The following GABRB1 variants were observed in gnomAD, a reference collection of about 807,000 sequenced individuals.
GABRB1 encodes gamma-aminobutyric acid type A receptor subunit beta1.
Under a neutral mutation model 51.6 loss-of-function variants are expected in GABRB1, and 17 were observed. The ratio of observed to expected loss-of-function variants is 0.33; its 90% CI spans 0.23 to 0.49. The LOEUF (loss-of-function observed/expected upper bound fraction) is 0.49. Ranked by LOEUF, GABRB1 falls within the 20% of genes least tolerant of loss-of-function variation. GABRB1 has a pLI of 0.99. For missense variants in GABRB1, 410 were observed against 600.6 expected, an observed-to-expected ratio of 0.68 and a Z score of 3.32; for synonymous variants, 247 against 218.9, an observed-to-expected ratio of 1.13 and a Z score of -1.14.
At chr4:47,055,067 A>G (rs1042899543) in intron 3 of GABRB1, among the ~76,000 whole-genome samples, 2 of 152,204 alleles carry the variant, frequency 1.3e-5, no homozygotes, top group Admixed American at 6.5e-5. Context: ...AGTTGGAGGT[A>G]GGGTAAGTAA....
Position 47,125,388 on chromosome 4 carries a change from A to G in GABRB1, c.241-35861A>G, listed in dbSNP as rs534559979. Among the ~76,000 whole-genome samples, 31 of 152,126 alleles carry G rather than the reference A, an allele frequency of 2.0e-4. No individual in the cohort carries two copies. The South Asian group carries it at 6.2e-3, about 31-fold the overall frequency. ...TTAATTGGTAACATGAAAACATACG[A>G]AAATATAAAACTCATTGATACAGGT... On this transcript the variant is annotated intron_variant, in intron 3 of 8. Transcript: ENST00000295454.
At chr4:47,155,523 G>A (rs1277011179) in intron 3 of GABRB1, among the ~76,000 whole-genome samples, 1 of 151,894 alleles carries the variant, frequency 6.6e-6, no homozygotes, top group African/African-American at 2.4e-5. Flanking sequence ...ATTACTAGAT[G>A]TTAAAGAAAT....
rs149246536 is a variant in GABRB1 at position 47,203,857 on chromosome 4, A to G, written c.461+42388A>G. ...TGTTCACAGCCCTACTCTTGGAACA[A>G]CTCCCATGCTGCTCTGAGCCTTTTC... is the stretch of plus-strand genomic sequence containing the variant. On this transcript the variant is annotated intron_variant, in intron 4 of 8. Transcript: ENST00000295454. Among the ~76,000 whole-genome samples the G allele has an allele frequency of 7.1e-3, 1,075 of 151,864 alleles. 10 individuals are homozygous for G. The highest frequency in any genetic ancestry group is 0.024 in the African/African-American group (1,006 of 41,416).
At chr4:47,160,929 A>C (rs752879289) in intron 3 of GABRB1, among the ~76,000 whole-genome samples, 1 of 151,830 alleles carries the variant, frequency 6.6e-6, no homozygotes, top group African/African-American at 2.4e-5. Context: ...TGGTATTATA[A>C]GCATGTACCA....
intron 5 of GABRB1, among the ~76,000 whole-genome samples, chr4:47,355,161 T>C (rs1228667024): frequency 6.6e-6 from 1 of 151,762 alleles, no homozygotes; most frequent in Non-Finnish European, 1.5e-5. Flanking sequence ...TTGTATTTTT[T>C]AGTAGAGATG....
chr4:47,362,523 G>A (rs1726845350), intron 5 of GABRB1, among the ~76,000 whole-genome samples: 1 of 152,112 alleles, frequency 6.6e-6, no homozygotes. Context: ...GGTTTGAGTA[G>A]TTTGTAATCC....
At chr4:47,202,504 T>C (rs918341358) in intron 4 of GABRB1, among the ~76,000 whole-genome samples, 9 of 152,224 alleles carry the variant, frequency 5.9e-5, no homozygotes, top group Admixed American at 5.9e-4. Flanking sequence ...TAGGAAACTA[T>C]AAGTTTTGAG....
chr4:47,266,647 A>G (rs1386958723), intron 4 of GABRB1, among the ~76,000 whole-genome samples: 1 of 152,210 alleles, frequency 6.6e-6, no homozygotes, highest in Non-Finnish European at 1.5e-5. Flanking sequence ...AAGATATTCA[A>G]TATGATTTCA....
intron 3 of GABRB1, among the ~76,000 whole-genome samples, chr4:47,085,105 C>T (rs1577893796): frequency 6.6e-6 from 1 of 152,166 alleles, no homozygotes; most frequent in Non-Finnish European, 1.5e-5. Context: ...GAGTAAAACA[C>T]TTAACTCACC....
intron 3 of GABRB1, among the ~76,000 whole-genome samples, chr4:47,125,637 G>A (rs1400071626): frequency 1.6e-5 from 2 of 125,106 alleles, no homozygotes; most frequent in Non-Finnish European, 3.2e-5. Flanking sequence ...CTCACTGCAA[G>A]CTCCGCCTCC....
intron 3 of GABRB1, among the ~76,000 whole-genome samples, chr4:47,057,639 C>A (rs1726671072): frequency 6.6e-6 from 1 of 152,208 alleles, no homozygotes; most frequent in African/African-American, 2.4e-5. Context: ...CCTACTCCCA[C>A]CCTGGCTAAC....
intron 1 of GABRB1, among the ~76,000 whole-genome samples, chr4:46,998,950 G>C (rs1724092404): frequency 6.6e-6 from 1 of 152,052 alleles, no homozygotes; most frequent in African/African-American, 2.4e-5. Context: ...GATGGTGTGT[G>C]TGATCGTGTG....
intron 3 of GABRB1, among the ~76,000 whole-genome samples, chr4:47,127,705 C>T (rs1716220786): frequency 6.6e-6 from 1 of 151,838 alleles, no homozygotes; most frequent in South Asian, 2.1e-4. Flanking sequence ...ACATCATCTT[C>T]ACCTCTTACA....
chr4:47,296,192 T>C (rs1723986352), intron 4 of GABRB1, among the ~76,000 whole-genome samples: 1 of 152,110 alleles, frequency 6.6e-6, no homozygotes. Flanking sequence ...AGGAAGAAAC[T>C]GCATAAACTA....
chr4:47,147,692 T>A (rs1209559030), intron 3 of GABRB1, among the ~76,000 whole-genome samples: 1 of 151,996 alleles, frequency 6.6e-6, no homozygotes, highest in African/African-American at 2.4e-5. Context: ...CCATTTCCAA[T>A]CTAAGGCCTG....
At chr4:46,996,638 C>T (rs1724007175) in intron 1 of GABRB1, among the ~76,000 whole-genome samples, 1 of 152,114 alleles carries the variant, frequency 6.6e-6, no homozygotes, top group East Asian at 1.9e-4. Context: ...TTTGACCAAA[C>T]AGGCGAATGA....
intron 5 of GABRB1, among the ~76,000 whole-genome samples, chr4:47,325,236 A>T (rs979168577): frequency 1.3e-5 from 2 of 152,148 alleles, no homozygotes; most frequent in African/African-American, 4.8e-5. Context: ...GGAGTTCAAG[A>T]CCAGCCTGGC....
intron 5 of GABRB1, among the ~76,000 whole-genome samples, chr4:47,395,076 C>T (rs1372187025): frequency 6.6e-6 from 1 of 152,168 alleles, no homozygotes; most frequent in African/African-American, 2.4e-5. Context: ...AGGTTCAGTG[C>T]ACCCAGGCTA....
chr4:47,302,023 T>A (rs1204844533), intron 4 of GABRB1, among the ~76,000 whole-genome samples: 1 of 152,166 alleles, frequency 6.6e-6, no homozygotes, highest in Admixed American at 6.5e-5. Context: ...AAGCCCTTTC[T>A]AAGTTACAAA....
Sources: gnomAD v4.1 joint callset for allele counts (sites outside exome capture counted in the v4.1 genomes callset) on GRCh38, gnomAD v4.1.1 for gene constraint, MANE v1.5 for transcripts, NCBI Gene and HGNC (gene_info 2026-07-23, HGNC 2026-07-21) for gene names.